Variants in IFT81 observed in about 807,000 individuals in gnomAD.
IFT81 encodes intraflagellar transport protein 81 homolog.
IFT81 carries 72 observed loss-of-function variants against 102.6 expected under a neutral mutation model. That is an observed-to-expected ratio of 0.70 (90% CI 0.58 to 0.85). IFT81 has a LOEUF of 0.85. Among genes scored for constraint, IFT81 ranks in the 40% least tolerant of loss-of-function variants. IFT81 has a pLI of 0.00. For missense variants in IFT81, 723 were observed against 787.3 expected, an observed-to-expected ratio of 0.92 and a Z score of 0.98; for synonymous variants, 237 against 242.7, an observed-to-expected ratio of 0.98 and a Z score of 0.22.
At chr12:110,184,008 T>G (rs1306391742) in intron 12 of IFT81, among the ~76,000 whole-genome samples, 1 of 152,170 alleles carries the variant, frequency 6.6e-6, no homozygotes, top group African/African-American at 2.4e-5. Context: ...GAAATGAGAG[T>G]TTCTTTAAAG....
intron 8 of IFT81, among the ~76,000 whole-genome samples, chr12:110,139,373 A>C (rs773190893): frequency 1.3e-4 from 19 of 150,872 alleles, no homozygotes; most frequent in Non-Finnish European, 2.5e-4. Flanking sequence ...AAAAAAGAAA[A>C]GAAAAAGCTG....
chr12:110,137,150 G>C (rs1894563107), intron 8 of IFT81, among the ~76,000 whole-genome samples: 1 of 152,170 alleles, frequency 6.6e-6, no homozygotes, highest in Admixed American at 6.5e-5. Flanking sequence ...GACCAGCCTA[G>C]CCAACATGGC....
At chr12:110,139,818 T>TAAAATAAATAAAATAAAATA (rs1555260154) in intron 8 of IFT81, among the ~76,000 whole-genome samples, 109 of 105,502 alleles carry the variant, frequency 1.0e-3, no homozygotes, top group African/African-American at 3.7e-3. Flanking sequence ...TAAAATAAAA[T>TAAAATAAATAAAATAAAATA]AAATAAAATA....
intron 14 of IFT81, among the ~76,000 whole-genome samples, chr12:110,195,443 G>A (rs552952027): frequency 3.9e-5 from 6 of 152,004 alleles, no homozygotes; most frequent in Non-Finnish European, 8.8e-5. Flanking sequence ...TACACTTATA[G>A]TATGACTTGT....
At chr12:110,199,365 GGTTTTTCA>G (rs1302275039) in intron 14 of IFT81, among the ~76,000 whole-genome samples, 1 of 151,992 alleles carries the variant, frequency 6.6e-6, no homozygotes, top group African/African-American at 2.4e-5. Context: ...CCTCTACAGT[GGTTTTTCA>G]GTTTTTCTGT....
rs1593330022 is a variant in IFT81, at chr12:110,170,898, A to G, written c.1188+7833A>G. On this transcript the variant is annotated intron_variant, in intron 11 of 18. Coordinates refer to ENST00000242591, the MANE Select transcript of IFT81 (RefSeq NM_014055.4). ...CTGACAAATCTTAGAGCTAAATTGG[A>G]AAGATTATGAAATCTTCTTTAAATA... Among the ~76,000 whole-genome samples the G allele has an allele frequency of 2.0e-5, 3 of 152,228 alleles. No homozygotes were observed. In the East Asian group the frequency reaches 5.8e-4, roughly 29 times the overall value.
chr12:110,191,823 C>A (rs894346793), intron 13 of IFT81, among the ~76,000 whole-genome samples: 2 of 151,980 alleles, frequency 1.3e-5, no homozygotes, highest in African/African-American at 4.8e-5. Context: ...TGGCCATTCC[C>A]CCAGAACCCT....
chr12:110,168,539 C>A (rs1896562254), intron 11 of IFT81: 1 of 626,118 alleles, frequency 1.6e-6, no homozygotes, highest in East Asian at 1.4e-4. Flanking sequence ...TAAAAAGTAT[C>A]CTGTTTATGG....
chr12:110,196,243 G>A (rs1897995396), intron 14 of IFT81, among the ~76,000 whole-genome samples: 1 of 152,238 alleles, frequency 6.6e-6, no homozygotes, highest in Non-Finnish European at 1.5e-5. Context: ...GACAGACCAG[G>A]TGTGGTGGTT....
At position 110,205,624 on chromosome 12, in the gene IFT81, T is replaced by A. The variant is rs369947967; in HGVS notation, c.1746T>A (p.Thr582=). 3.7e-6 allele frequency: 6 copies of A among 1,604,770 alleles called. No individual in the cohort carries two copies. In the East Asian group the frequency reaches 1.3e-4, roughly 36 times the overall value. The change falls in exon 17 of 19, where the codon ACT becomes ACA. Residue 582 remains threonine (T), a synonymous_variant. Transcript: ENST00000242591. ...KNLEVQLRRA[T]DEMKAYISSD... The stretch of plus-strand genomic sequence containing the variant: ...TAGAAGTTCAACTTCGTCGTGCTAC[T>A]GATGAGATGAAGGCATATATCTCTT...
chr12:110,198,711 C>T (rs1451022015), intron 14 of IFT81, among the ~76,000 whole-genome samples: 1 of 151,992 alleles, frequency 6.6e-6, no homozygotes, highest in African/African-American at 2.4e-5. Flanking sequence ...TCTTTTATTT[C>T]CTCAGAGGTG....
At chr12:110,173,457 G>C (rs1896882393) in intron 11 of IFT81, among the ~76,000 whole-genome samples, 1 of 152,252 alleles carries the variant, frequency 6.6e-6, no homozygotes, top group Non-Finnish European at 1.5e-5. Context: ...TCCCGTCTGG[G>C]AGGTGTGCCC....
At chr12:110,138,699 T>C (rs917747556) in intron 8 of IFT81, among the ~76,000 whole-genome samples, 2 of 152,168 alleles carry the variant, frequency 1.3e-5, no homozygotes, top group Non-Finnish European at 2.9e-5. Context: ...TCCCAAAGTG[T>C]TAGGATTATA....
rs1028843738 is a variant in IFT81 at position 110,201,648 on chromosome 12, T to G, written c.1558-2216T>G. 2.6e-5 allele frequency among the ~76,000 whole-genome samples: 4 copies of G among 152,092 alleles called. No individual in the cohort carries two copies. In the East Asian group the frequency reaches 5.8e-4, roughly 22 times the overall value. ...ATTTTGTAGAGGTGGGGTCTTGTTA[T>G]GTTGCCTGTGCTTGTCTCAAACTCC... On this transcript the variant is annotated intron_variant, in intron 14 of 18. Coordinates refer to ENST00000242591, the MANE Select transcript of IFT81 (RefSeq NM_014055.4).
intron 12 of IFT81, among the ~76,000 whole-genome samples, chr12:110,188,987 G>T (rs1239657088): frequency 6.6e-6 from 1 of 151,660 alleles, no homozygotes; most frequent in Non-Finnish European, 1.5e-5. Context: ...CAAATCCAAT[G>T]ATTAATTATT....
intron 10 of IFT81, among the ~76,000 whole-genome samples, chr12:110,153,587 A>AG (rs1895664586): frequency 6.8e-6 from 1 of 146,992 alleles, no homozygotes; most frequent in Admixed American, 6.9e-5. Flanking sequence ...TGAGGACATC[A>AG]GGACCAGGGC....
At chr12:110,212,523 G>C (rs1395789647) in intron 18 of IFT81, among the ~76,000 whole-genome samples, 1 of 146,256 alleles carries the variant, frequency 6.8e-6, no homozygotes, top group African/African-American at 2.6e-5. Context: ...GTGCGACACA[G>C]TGAAACTGTG....
chr12:110,144,269 T>A (rs1211271929), intron 9 of IFT81, among the ~76,000 whole-genome samples: 1 of 151,812 alleles, frequency 6.6e-6, no homozygotes, highest in Non-Finnish European at 1.5e-5. Context: ...CAGGCTGGAG[T>A]GCAGTAGCGT....
At chr12:110,128,827 C>G in intron 3 of IFT81, 123 bp from the exon 4 acceptor site, 87 of 281,490 alleles carry the variant, frequency 3.1e-4, no homozygotes, top group Middle Eastern at 1.1e-3. Context: ...TTGGGTTTAT[C>G]TTTTTTAAAA....
Sources: allele counts gnomAD v4.1 joint callset (sites outside exome capture counted in the v4.1 genomes callset), GRCh38; gene constraint gnomAD v4.1.1; transcripts MANE v1.5; gene names NCBI Gene and HGNC (gene_info 2026-07-23, HGNC 2026-07-21).